Variants in TTLL5 observed in about 807,000 individuals in gnomAD.
The protein encoded by TTLL5 is tubulin polyglutamylase TTLL5.
A neutral mutation model predicts 168.4 loss-of-function variants in TTLL5; 132 were observed. That is an observed-to-expected ratio of 0.78 (90% CI 0.68 to 0.91). TTLL5 has a LOEUF of 0.91. TTLL5 is among the 40% of genes least tolerant of loss of function. The probability of loss-of-function intolerance (pLI) is 0.00; values close to 1 mark genes in which losing one functional copy is unlikely to be tolerated. For synonymous variants in TTLL5, 546 were observed against 558.6 expected (o/e 0.98, Z 0.32); for missense variants, 1,545 against 1,581.5 (o/e 0.98, Z 0.39).
chr14:75,687,436 G>A (rs1036213502), intron 5 of TTLL5, among the ~76,000 whole-genome samples: 10 of 152,012 alleles, frequency 6.6e-5, no homozygotes, highest in African/African-American at 1.7e-4. Flanking sequence ...ACGGCTGGCT[G>A]ATTTTTTTTG....
In TTLL5 at chr14:75,768,591, T is replaced by A. The variant is rs557040061; in HGVS notation, c.2015+2223T>A. Among the ~76,000 whole-genome samples the A allele has an allele frequency of 5.3e-5, 8 of 152,090 alleles. No homozygotes were observed. The South Asian group carries it at 1.7e-3, about 32-fold the overall frequency. On this transcript the variant is annotated intron_variant, in intron 20 of 31. Coordinates refer to ENST00000298832, the MANE Select transcript of TTLL5 (RefSeq NM_015072.5). ...ATTAGAAATGCAGAAATGGACATAT[T>A]GGTAGAGAAGAGTACTAAAGGAAGG... is the stretch of plus-strand genomic sequence containing the variant.
intron 28 of TTLL5, among the ~76,000 whole-genome samples, chr14:75,862,559 A>G (rs1360269292): frequency 6.6e-6 from 1 of 152,134 alleles, no homozygotes; most frequent in Non-Finnish European, 1.5e-5. Flanking sequence ...GGTCTTTTCT[A>G]CTGGGAAAAG....
At chr14:75,700,393 A>G (rs1463225613) in intron 7 of TTLL5, among the ~76,000 whole-genome samples, 3 of 152,220 alleles carry the variant, frequency 2.0e-5, no homozygotes, top group African/African-American at 7.2e-5. Flanking sequence ...AAGAAGCAAA[A>G]TGATGGAGTT....
At chr14:75,770,854 G>A (rs1321817832) in intron 20 of TTLL5, among the ~76,000 whole-genome samples, 1 of 152,170 alleles carries the variant, frequency 6.6e-6, no homozygotes, top group Non-Finnish European at 1.5e-5. Flanking sequence ...TCCCTCATTT[G>A]CTCTGGGCTC....
intron 12 of TTLL5, among the ~76,000 whole-genome samples, chr14:75,729,084 G>A (rs1888369180): frequency 6.6e-6 from 1 of 152,120 alleles, no homozygotes; most frequent in Non-Finnish European, 1.5e-5. Flanking sequence ...TATTAAAGAG[G>A]TAGGAAGCTA....
At chr14:75,886,767 G>A in intron 30 of TTLL5, 3 of 1,596,824 alleles carry the variant, frequency 1.9e-6, no homozygotes, top group Non-Finnish European at 2.5e-6. Context: ...CTGAACTGAG[G>A]ACGACAGCCT....
rs772067936 is a variant in TTLL5 at position 75,863,733 on chromosome 14, A to C, written c.3393A>C (p.Thr1131=). Reference sequence around the variant, plus strand: ...AAAACAACGTGTACAGCCAGGCTACAGGGGTGGTCCCCCAGCACAAGTATC... The same window carrying C: ...AAAACAACGTGTACAGCCAGGCTACCGGGGTGGTCCCCCAGCACAAGTATC... ...EVENNVYSQA[T]GVVPQHKYHP... Residue 1131 remains threonine, a synonymous_variant, in exon 29 of 32, where the codon ACA becomes ACC. Transcript: ENST00000298832. The C allele has an allele frequency of 6.2e-7, 1 of 1,613,844 alleles. No homozygotes were observed. The highest frequency in any genetic ancestry group is 2.2e-5 in the East Asian group (1 of 44,868).
chr14:75,706,980 G>T (rs759733456), intron 7 of TTLL5, 38 bp from the exon 8 acceptor site: 1 of 1,512,612 alleles, frequency 6.6e-7, no homozygotes, highest in Non-Finnish European at 9.2e-7. Flanking sequence ...GGATTCCTGT[G>T]TATTTCTATT....
At chr14:75,795,853 C>G (rs1293584719) in intron 27 of TTLL5, among the ~76,000 whole-genome samples, 1 of 152,128 alleles carries the variant, frequency 6.6e-6, no homozygotes, top group African/African-American at 2.4e-5. Flanking sequence ...TGGGCTGGTT[C>G]CATATTTTTG....
chr14:75,939,339 A>G (rs2034526352), intron 31 of TTLL5, among the ~76,000 whole-genome samples: 1 of 152,230 alleles, frequency 6.6e-6, no homozygotes, highest in South Asian at 2.1e-4. Flanking sequence ...GCAATCAGAA[A>G]AAAAGTTTGA....
At chr14:75,928,342 C>CATTATATATATATATAT (rs1555357894) in intron 31 of TTLL5, among the ~76,000 whole-genome samples, 8 of 81,970 alleles carry the variant, frequency 9.8e-5, no homozygotes, top group African/African-American at 3.8e-4. Context: ...ATGACAAAAA[C>CATTATATATATATATAT]ATATATATAT....
chr14:75,784,284 T>C (rs1045018493), intron 26 of TTLL5, among the ~76,000 whole-genome samples: 1 of 152,236 alleles, frequency 6.6e-6, no homozygotes, highest in African/African-American at 2.4e-5. Flanking sequence ...TAAAATCATA[T>C]AATAGGTAGT....
intron 7 of TTLL5, among the ~76,000 whole-genome samples, chr14:75,700,998 C>A (rs563397459): frequency 6.6e-6 from 1 of 151,602 alleles, no homozygotes; most frequent in South Asian, 2.1e-4. Context: ...GCTTTTAGAA[C>A]TCTTTTTTGA....
At chr14:75,728,827 A>G (rs1888352512) in intron 12 of TTLL5, among the ~76,000 whole-genome samples, 1 of 152,134 alleles carries the variant, frequency 6.6e-6, no homozygotes, top group Admixed American at 6.6e-5. Context: ...AAGGAAGGAA[A>G]GGAGGAGTGG....
chr14:75,869,489 G>A (rs991637318), intron 29 of TTLL5, among the ~76,000 whole-genome samples: 1 of 152,020 alleles, frequency 6.6e-6, no homozygotes, highest in Non-Finnish European at 1.5e-5. Context: ...TATCATGATT[G>A]TAGTTCTCAG....
chr14:75,936,477 C>G (rs1487570376), intron 31 of TTLL5, among the ~76,000 whole-genome samples: 1 of 152,196 alleles, frequency 6.6e-6, no homozygotes, highest in Admixed American at 6.5e-5. Context: ...TATTTCTCAT[C>G]ACAGCTTCAT....
chr14:75,906,751 G>C, intron 31 of TTLL5: 1 of 978,672 alleles, frequency 1.0e-6, no homozygotes, highest in Non-Finnish European at 1.2e-6. Flanking sequence ...AGACTTAGTG[G>C]CTACCAAAAG....
At position 75,745,106 on chromosome 14, in the gene TTLL5, A is replaced by G; in HGVS notation, c.1293A>G (p.Pro431=). The change falls in exon 16 of 32, where the codon CCA becomes CCG. Residue 431 remains proline (P), a synonymous_variant. Coordinates refer to ENST00000298832, the MANE Select transcript of TTLL5 (RefSeq NM_015072.5). ...NPFQKPQRCR[P]LSASDAEMKN... ...TTTCTTCTCCTTAGCGTTGCCGTCCACTCTCTGCCAGTGATGCGGAAATGA... is the reference window on the plus strand; with the variant it reads ...TTTCTTCTCCTTAGCGTTGCCGTCCGCTCTCTGCCAGTGATGCGGAAATGA... The G allele has an allele frequency of 6.2e-7, 1 of 1,613,634 alleles. No homozygotes were observed. The highest frequency in any genetic ancestry group is 8.5e-7 in the Non-Finnish European group (1 of 1,179,782).
intron 21 of TTLL5, among the ~76,000 whole-genome samples, chr14:75,773,558 T>C (rs1038204044): frequency 2.6e-5 from 4 of 152,144 alleles, no homozygotes; most frequent in African/African-American, 9.7e-5. Flanking sequence ...GGATCATCAC[T>C]ACAAAACTTA....
Sources: allele counts gnomAD v4.1 joint callset (sites outside exome capture counted in the v4.1 genomes callset), GRCh38; gene constraint gnomAD v4.1.1; transcripts MANE v1.5; gene names NCBI Gene and HGNC (gene_info 2026-07-23, HGNC 2026-07-21).